QTGAL: variants seen among roughly 807,000 people sequenced by gnomAD.
QTGAL encodes the protein BGnT-like protein 1.
the QTGAL span, chr17:83,048,626 C>A: frequency 3.7e-6 from 6 of 1,606,314 alleles, no homozygotes; most frequent in South Asian, 6.6e-5. Flanking sequence ...TCAACCGTTG[C>A]TTACACTGGG....
chr17:82,949,215 G>A, the QTGAL span: 1 of 152,178 alleles, frequency 6.6e-6, no homozygotes, highest in African/African-American at 2.4e-5. Flanking sequence ...GAATGTGTGT[G>A]CTCTTTGACC....
chr17:82,958,923 TG>T, the QTGAL span, among the ~76,000 whole-genome samples: 2 of 70,678 alleles, frequency 2.8e-5, no homozygotes, highest in African/African-American at 1.5e-4. Flanking sequence ...TGGGGGTGTA[TG>T]GTGTGTGTGT....
chr17:82,989,148 T>C, the QTGAL span, among the ~76,000 whole-genome samples: 10 of 152,126 alleles, frequency 6.6e-5, no homozygotes, highest in Admixed American at 5.9e-4. Context: ...TGGTATACCA[T>C]GGAATATTAT....
At chr17:82,976,043 G>A in the QTGAL span, among the ~76,000 whole-genome samples, 2 of 94,700 alleles carry the variant, frequency 2.1e-5, no homozygotes, top group African/African-American at 6.2e-5. Context: ...GACAGAGCCG[G>A]ACTCCATCCT....
At chr17:82,961,008 C>T in the QTGAL span, 41 of 1,577,380 alleles carry the variant, frequency 2.6e-5, no homozygotes, top group South Asian at 3.2e-4. Context: ...GGGCGCCTCC[C>T]GTGTTCCTGG....
At chr17:83,017,586 C>T in the QTGAL span, among the ~76,000 whole-genome samples, 2 of 152,192 alleles carry the variant, frequency 1.3e-5, no homozygotes, top group African/African-American at 4.8e-5. Context: ...CACGCCACTG[C>T]ACTCCAGCCT....
the QTGAL span, chr17:83,048,916 G>A: frequency 1.4e-6 from 1 of 718,902 alleles, no homozygotes; most frequent in Non-Finnish European, 2.5e-6. Context: ...CTTTTCTCCA[G>A]GCTCTTAACA....
chr17:83,041,081 A>T, the QTGAL span, among the ~76,000 whole-genome samples: 30,613 of 151,572 alleles, frequency 0.2, 3,264 homozygotes, highest in Non-Finnish European at 0.24. Flanking sequence ...AAAAAAAAAA[A>T]AATGGCTGAA....
At chr17:82,977,428 AG>A in the QTGAL span, among the ~76,000 whole-genome samples, 5 of 152,124 alleles carry the variant, frequency 3.3e-5, no homozygotes, top group South Asian at 6.2e-4. Flanking sequence ...CAGTGTTGGG[AG>A]GGGGGTGAGT....
At chr17:83,017,210 AG>A in the QTGAL span, among the ~76,000 whole-genome samples, 44,969 of 151,916 alleles carry the variant, frequency 0.3, 7,342 homozygotes, top group African/African-American at 0.45. Context: ...GGGAGGAGGA[AG>A]GGGGGTTGGT....
chr17:82,975,951 A>G, the QTGAL span, among the ~76,000 whole-genome samples: 1 of 51,056 alleles, frequency 2.0e-5, no homozygotes, highest in Admixed American at 1.6e-4. Context: ...AGAGGCCACT[A>G]TGGAGAGTCA....
At chr17:82,997,920 T>TA in the QTGAL span, among the ~76,000 whole-genome samples, 1,198 of 137,486 alleles carry the variant, frequency 8.7e-3, 22 homozygotes, top group African/African-American at 0.029. Context: ...TTAATGGGTT[T>TA]AAAAAAAAAA....
At chr17:82,947,352 C>T in the QTGAL span, 1 of 233,960 alleles carries the variant, frequency 4.3e-6, no homozygotes, top group African/African-American at 2.2e-5. Flanking sequence ...TCTGCACAGG[C>T]CAGGAGTGGG....
chr17:83,007,887 C>T, the QTGAL span, among the ~76,000 whole-genome samples: 1 of 152,160 alleles, frequency 6.6e-6, no homozygotes, highest in African/African-American at 2.4e-5. Context: ...CTTTTTTGGC[C>T]TCAACATTTT....
At chr17:82,986,142 C>G in the QTGAL span, among the ~76,000 whole-genome samples, 1 of 152,254 alleles carries the variant, frequency 6.6e-6, no homozygotes, top group African/African-American at 2.4e-5. Flanking sequence ...AGCCAGGAAG[C>G]TGCACCAGAC....
chr17:82,988,458 A>G, the QTGAL span, among the ~76,000 whole-genome samples: 5 of 152,242 alleles, frequency 3.3e-5, no homozygotes, highest in Non-Finnish European at 5.9e-5. Context: ...AAAATATTAC[A>G]TGACAAAAAC....
the QTGAL span, among the ~76,000 whole-genome samples, chr17:83,050,704 C>T: frequency 6.6e-6 from 1 of 152,248 alleles, no homozygotes; most frequent in Non-Finnish European, 1.5e-5. Flanking sequence ...TTGCTCCAGC[C>T]TCTGCCGGAG....
At chr17:83,032,217 C>G in the QTGAL span, among the ~76,000 whole-genome samples, 498 of 55,740 alleles carry the variant, frequency 8.9e-3, 14 homozygotes, top group East Asian at 0.014. Flanking sequence ...GGCCTCCGAC[C>G]CAGACCGAGC....
chr17:82,965,716 T>C, the QTGAL span: 1 of 1,612,704 alleles, frequency 6.2e-7, no homozygotes, highest in Non-Finnish European at 8.5e-7. Context: ...CAGGTGGGCA[T>C]GATCACCGTG....
Sources: gnomAD v4.1 joint callset for allele counts (sites outside exome capture counted in the v4.1 genomes callset) on GRCh38, gnomAD v4.1.1 for gene constraint, MANE v1.5 for transcripts, NCBI Gene and HGNC (gene_info 2026-07-23, HGNC 2026-07-21) for gene names.